DCAF4: variants seen among roughly 807,000 people sequenced by gnomAD.
DCAF4 encodes the protein DDB1- and CUL4-associated factor 4.
A neutral mutation model predicts 60.9 loss-of-function variants in DCAF4; 37 were observed. That is an observed-to-expected ratio of 0.61 (90% CI 0.47 to 0.80). DCAF4 has a LOEUF of 0.80. Ranked by LOEUF, DCAF4 falls within the 30% of genes least tolerant of loss-of-function variation. The pLI, the probability that DCAF4 is intolerant of heterozygous loss-of-function variation, is 0.00. For synonymous variants in DCAF4, 243 were observed against 254.8 expected, an observed-to-expected ratio of 0.95 and a Z score of 0.44; for missense variants, 577 against 650.0, an observed-to-expected ratio of 0.89 and a Z score of 1.22.
chr14:72,960,757 G>A (rs1892787262), downstream of DCAF4: 2 of 928,358 alleles, frequency 2.2e-6, no homozygotes, highest in Non-Finnish European at 2.7e-6. Flanking sequence ...AGCAAAGCCT[G>A]GTTGAGGGGA....
downstream of DCAF4, chr14:72,960,730 G>T: frequency 9.6e-7 from 1 of 1,042,654 alleles, no homozygotes; most frequent in Non-Finnish European, 1.2e-6. Context: ...CCAGCCTCAT[G>T]ATGGTTCCTG....
At chr14:72,935,034 C>T (rs1022503827) in intron 1 of DCAF4, 3 of 152,174 alleles carry the variant, frequency 2.0e-5, no homozygotes, top group Non-Finnish European at 4.4e-5. Context: ...ATTCACCTCA[C>T]GTCCAGTATG....
chr14:72,955,719 AGGCCACAG>A, intron 12 of DCAF4, 23 bp downstream of exon 12: 1 of 1,603,248 alleles, frequency 6.2e-7, no homozygotes. Context: ...GGACTTTCTC[AGGCCACAG>A]GGTCTCGTGG....
intron 2 of DCAF4, 114 bp from the exon 3 acceptor site, chr14:72,939,688 G>A (rs1231385314): frequency 7.8e-6 from 6 of 768,202 alleles, no homozygotes; most frequent in Admixed American, 3.2e-5. Context: ...TAATCAGAAA[G>A]GTCAGAGATC....
chr14:72,955,422 A>G (rs1217655357), intron 11 of DCAF4, 101 bp from the exon 12 acceptor site: 2 of 1,404,328 alleles, frequency 1.4e-6, no homozygotes, highest in African/African-American at 2.8e-5. Context: ...ACACCGTCTG[A>G]CCCAGAGGCT....
At chr14:72,951,665 C>T (rs938517992) in intron 8 of DCAF4, 133 bp from the exon 9 acceptor site, 9 of 746,826 alleles carry the variant, frequency 1.2e-5, no homozygotes, top group Middle Eastern at 2.5e-4. Context: ...GCAGTGTAAA[C>T]GCATGTTGAA....
intron 6 of DCAF4, among the ~76,000 whole-genome samples, chr14:72,943,914 G>A (rs1183748419): frequency 1.3e-5 from 2 of 152,202 alleles, no homozygotes; most frequent in Non-Finnish European, 2.9e-5. Context: ...CCAGGAGACC[G>A]CCACAGCAGG....
chr14:72,939,993 T>C (rs573606545), intron 3 of DCAF4, 91 bp downstream of exon 3: 8 of 1,343,516 alleles, frequency 6.0e-6, no homozygotes, highest in Admixed American at 4.8e-5. Flanking sequence ...CAGGAGCAAA[T>C]TGAAACACTC....
At chr14:72,937,903 A>C in intron 1 of DCAF4, 68 bp from the exon 2 acceptor site, 1 of 1,488,076 alleles carries the variant, frequency 6.7e-7, no homozygotes, top group East Asian at 2.4e-5. Context: ...AGCAGCTGCC[A>C]AGAAGCAAAC....
chr14:72,958,568 TG>T (rs762824569), intron 13 of DCAF4, 43 bp from the exon 14 acceptor site: 10 of 1,611,154 alleles, frequency 6.2e-6, no homozygotes, highest in Non-Finnish European at 8.5e-6. Context: ...AGTTTTCCTT[TG>T]CATTCTCTCA....
intron 6 of DCAF4, among the ~76,000 whole-genome samples, chr14:72,944,655 G>A (rs544735725): frequency 6.6e-6 from 1 of 152,284 alleles, no homozygotes; most frequent in South Asian, 2.1e-4. Flanking sequence ...AGCTGGGCAT[G>A]GTGGTGTGTG....
At chr14:72,941,699 C>A in intron 4 of DCAF4, 46 bp from the exon 5 acceptor site, 2 of 1,572,602 alleles carry the variant, frequency 1.3e-6, no homozygotes, top group African/African-American at 2.7e-5. Flanking sequence ...CATCCCCTAA[C>A]AAATAAATCT....
intron 1 of DCAF4, among the ~76,000 whole-genome samples, chr14:72,936,041 C>A (rs1023870981): frequency 1.3e-5 from 2 of 152,136 alleles, no homozygotes; most frequent in Non-Finnish European, 2.9e-5. Context: ...CCCACTTCAG[C>A]CTCCCAAAAG....
In DCAF4 at chr14:72,946,009, C is replaced by T. The variant is rs758961199; in HGVS notation, c.660C>T (p.Leu220=). 1 of 1,614,100 alleles carries T rather than the reference C, an allele frequency of 6.2e-7. No homozygotes were observed. Among genetic ancestry groups the T allele is most frequent in the South Asian group, 1.1e-5 (1 of 91,084 alleles). Residue 220 remains leucine, a synonymous_variant, in exon 7 of 14, where the codon CTC becomes CTT. Coordinates refer to ENST00000358377, the MANE Select transcript of DCAF4 (RefSeq NM_015604.4). ...PTLKVFMHEN[L]YFTNRKVNSV... is the part of the protein sequence containing the mutation. ...TCAAGGTGTTCATGCACGAAAACCT[C>T]TACTTCACCAACCGGAAGGTACGTT...
In DCAF4 at chr14:72,940,313, T is replaced by C; in HGVS notation, c.287T>C (p.Ile96Thr). 1 of 1,614,088 alleles carries C rather than the reference T, an allele frequency of 6.2e-7. No homozygotes were observed. The highest frequency in any genetic ancestry group is 8.5e-7 in the Non-Finnish European group (1 of 1,180,028). The change falls in exon 4 of 14, where the codon ATC becomes ACC. Residue 96 changes from isoleucine (I) to threonine (T), a missense_variant. Coordinates refer to ENST00000358377, the MANE Select transcript of DCAF4 (RefSeq NM_015604.4). ...TGCAACCCCCTGACGAAAGAGAGCA[T>C]CCGGCAGAAGGAGATGGAGAGCAAG... is the stretch of plus-strand genomic sequence containing the variant. ...NNCNPLTKESIRQKEMESKRL... is the reference protein window; with the variant it reads ...NNCNPLTKESTRQKEMESKRL...
chr14:72,936,867 G>A (rs1388823000), intron 1 of DCAF4, among the ~76,000 whole-genome samples: 1 of 152,164 alleles, frequency 6.6e-6, no homozygotes, highest in Non-Finnish European at 1.5e-5. Context: ...CAGGAGAAAT[G>A]AGCAAAGGAT....
chr14:72,941,514 G>A (rs567231998), intron 4 of DCAF4, among the ~76,000 whole-genome samples: 123 of 152,258 alleles, frequency 8.1e-4, no homozygotes, highest in African/African-American at 2.8e-3. Context: ...GATGGGGAGC[G>A]TGGGCAGAGT....
At chr14:72,956,560 C>A in intron 13 of DCAF4, 60 bp downstream of exon 13, 2 of 1,501,834 alleles carry the variant, frequency 1.3e-6, no homozygotes, top group Non-Finnish European at 1.8e-6. Flanking sequence ...AGGGGCGATC[C>A]CAGCAACTTC....
At chr14:72,939,269 C>A (rs1353623511) in intron 2 of DCAF4, among the ~76,000 whole-genome samples, 1 of 152,188 alleles carries the variant, frequency 6.6e-6, no homozygotes, top group Non-Finnish European at 1.5e-5. Context: ...TCAGAAGCTA[C>A]TTGTGGATTT....
Sources: allele counts gnomAD v4.1 joint callset (sites outside exome capture counted in the v4.1 genomes callset), GRCh38; gene constraint gnomAD v4.1.1; transcripts MANE v1.5; gene names NCBI Gene and HGNC (gene_info 2026-07-23, HGNC 2026-07-21).